Variants in BCL11B observed in about 807,000 individuals in gnomAD.
BCL11B encodes the protein B-cell lymphoma/leukemia 11B.
In BCL11B, 8 loss-of-function variants were observed where a neutral mutation model predicts 49.9. The observed-to-expected ratio is 0.16, with a 90% CI of 0.09 to 0.29. BCL11B has a LOEUF of 0.29. Among genes scored for constraint, BCL11B ranks in the 10% least tolerant of loss-of-function variants. BCL11B has a pLI of 1.00. For synonymous variants in BCL11B, 739 were observed against 637.4 expected (o/e 1.16, Z -2.40); for missense variants, 1,006 against 1,351.0 (o/e 0.74, Z 4.00).
rs1886420242 is a variant in BCL11B, at chr14:99,174,792, T to G, written c.2044A>C (p.Asn682His). ...KPAPLPSPGLNSAAKRIKVEK... is the reference protein window; with the variant it reads ...KPAPLPSPGLHSAAKRIKVEK... ...ACCTTGATGCGCTTGGCGGCGCTGT[T>G]GAGCCCGGGGCTGGGCAGCGGCGCG... is the stretch of plus-strand genomic sequence containing the variant. The change falls in exon 4 of 4, where the codon AAC (asparagine) becomes CAC (histidine). Residue 682 changes from asparagine to histidine, a missense_variant. By Grantham distance (68) the Asn-to-His change is moderately conservative. Coordinates refer to ENST00000357195, the MANE Select transcript of BCL11B (RefSeq NM_138576.4). 2.1e-6 allele frequency: 3 copies of G among 1,450,834 alleles called. No homozygotes were observed. Among genetic ancestry groups the G allele is most frequent in the East Asian group, 2.8e-5 (1 of 36,082 alleles). The allele number at this position is 1,450,834 out of a possible 1,614,324, so 89.9% of individuals were successfully genotyped here. A position where few individuals can be genotyped will look rare whatever the true frequency, so the allele number is the denominator to read the frequency against.
chr14:99,194,048 G>A lies in BCL11B; in HGVS notation c.641-17853C>T, dbSNP rs1224939110. The stretch of plus-strand genomic sequence containing the variant: ...TCAATGGTTTCTGCCAGACAATATG[G>A]GCCCAAAGCAAATGGCAAATTCAGT... On this transcript the variant is annotated intron_variant, in intron 3 of 3. Transcript: ENST00000357195. The surrounding 1 kb of genome is among the most constrained non-coding windows in gnomAD (Gnocchi z 4.6). Among the ~76,000 whole-genome samples, 2 of 152,120 alleles carry A rather than the reference G, an allele frequency of 1.3e-5. No homozygotes were observed. Among genetic ancestry groups the A allele is most frequent in the Admixed American group, 6.5e-5 (1 of 15,274 alleles).
In BCL11B at chr14:99,246,356, A is replaced by G. The variant is rs1888837183; in HGVS notation, c.427+11115T>C. On this transcript the variant is annotated intron_variant, in intron 2 of 3. Transcript: ENST00000357195. ...CCTCCCGCCCCACCAAGGCACAATCAACGTGCGCAGCGGGCGCGGGTCAAA... is the reference window on the plus strand; with the variant it reads ...CCTCCCGCCCCACCAAGGCACAATCGACGTGCGCAGCGGGCGCGGGTCAAA... 2.6e-5 allele frequency among the ~76,000 whole-genome samples: 4 copies of G among 152,310 alleles called. No homozygotes were observed. The South Asian group carries it at 8.3e-4, about 32-fold the overall frequency.
chr14:99,240,769 C>T (rs2139914210), intron 2 of BCL11B, among the ~76,000 whole-genome samples: 1 of 152,330 alleles, frequency 6.6e-6, no homozygotes, highest in East Asian at 1.9e-4. Context: ...AAAATTAACA[C>T]TTCGCGGGAC....
At position 99,212,179 on chromosome 14, in the gene BCL11B, G is replaced by A. The variant is rs74886158; in HGVS notation, c.640+19166C>T. On this transcript the variant is annotated intron_variant, in intron 3 of 3. Transcript: ENST00000357195. ...TCACCTGAGCACTGGGGGGGCTAGA[G>A]CAACTTGCTGAATAAAGAAGCAAAA... 5.0e-3 allele frequency among the ~76,000 whole-genome samples: 758 copies of A among 152,254 alleles called. 8 individuals are homozygous for A. Among genetic ancestry groups the A allele is most frequent in the African/African-American group, 0.018 (740 of 41,540 alleles).
In BCL11B at chr14:99,231,456, G is replaced by A. The variant is rs558453694; in HGVS notation, c.529C>T (p.Leu177Phe). 1.0e-5 allele frequency: 16 copies of A among 1,598,426 alleles called. No homozygotes were observed. In the South Asian group the frequency reaches 1.4e-4, roughly 14 times the overall value. ...CACGGCAGGGGGAGGCAGGGCGGGA[G>A]AGCGCCCAGGGCACGCAGAGGTGAA... ...ITSPLRALGA[L>F]PPCLPLPCCS... The change falls in exon 3 of 4, where the codon CTC becomes TTC. Residue 177 changes from leucine to phenylalanine, a missense_variant. Physicochemically the swap from Leu to Phe is conservative, Grantham distance 22. Coordinates refer to ENST00000357195, the MANE Select transcript of BCL11B (RefSeq NM_138576.4). The surrounding 1 kb of genome is among the most constrained non-coding windows in gnomAD (Gnocchi z 8.1).
chr14:99,191,063 T>C (rs1349975239), intron 3 of BCL11B, among the ~76,000 whole-genome samples: 2 of 152,220 alleles, frequency 1.3e-5, no homozygotes, highest in Non-Finnish European at 1.5e-5. Flanking sequence ...TCAAAATAGA[T>C]ACTAATATTC....
In BCL11B at chr14:99,205,350, C is replaced by A. The variant is rs2793320; in HGVS notation, c.640+25995G>T. ...CTGAGACGGCCCAGGCCAGCAGGGC[C>A]AGTGGAGGATTCGCATTCACTCTGG... On this transcript the variant is annotated intron_variant, in intron 3 of 3. Coordinates refer to ENST00000357195, the MANE Select transcript of BCL11B (RefSeq NM_138576.4). The surrounding 1 kb of genome is among the most constrained non-coding windows in gnomAD (Gnocchi z 5.0). Among the ~76,000 whole-genome samples, 17,367 of 152,154 alleles carry A rather than the reference C, an allele frequency of 0.11. 1,808 individuals are homozygous for A. Among genetic ancestry groups the A allele is most frequent in the African/African-American group, 0.28 (11,580 of 41,454 alleles).
chr14:99,203,694 C>T (rs1012852674), intron 3 of BCL11B, among the ~76,000 whole-genome samples: 1 of 152,236 alleles, frequency 6.6e-6, no homozygotes, highest in East Asian at 1.9e-4. Flanking sequence ...CTGAAAACTG[C>T]ATCTCCTGGG....
chr14:99,266,098 A>T (rs1414726490), intron 1 of BCL11B, among the ~76,000 whole-genome samples: 1 of 152,236 alleles, frequency 6.6e-6, no homozygotes, highest in African/African-American at 2.4e-5. Context: ...TAGCAATCAC[A>T]TACTCTTTCC....
chr14:99,249,589 G>A (rs570533683), intron 2 of BCL11B, among the ~76,000 whole-genome samples: 1 of 152,190 alleles, frequency 6.6e-6, no homozygotes, highest in African/African-American at 2.4e-5. Context: ...GAGGTGGATG[G>A]AATGTAGGCA....
At chr14:99,265,523 T>C (rs1450541690) in intron 1 of BCL11B, among the ~76,000 whole-genome samples, 2 of 152,164 alleles carry the variant, frequency 1.3e-5, no homozygotes, top group African/African-American at 2.4e-5. Flanking sequence ...TGTGTTTAGT[T>C]ACAGCTTGTG....
Position 99,205,475 on chromosome 14 carries a change from C to T in BCL11B, c.640+25870G>A, listed in dbSNP as rs992654471. Among the ~76,000 whole-genome samples, 4 of 152,158 alleles carry T rather than the reference C, an allele frequency of 2.6e-5. No individual in the cohort carries two copies. Among genetic ancestry groups the T allele is most frequent in the Non-Finnish European group, 4.4e-5 (3 of 68,034 alleles). On this transcript the variant is annotated intron_variant, in intron 3 of 3. Coordinates refer to ENST00000357195, the MANE Select transcript of BCL11B (RefSeq NM_138576.4). The surrounding 1 kb of genome is among the most constrained non-coding windows in gnomAD (Gnocchi z 5.0). ...TGGTTAAATGCGCCCAAGGACCAGGCGCTCGCTACACCAGCATGCCAGGAA... is the reference window on the plus strand; with the variant it reads ...TGGTTAAATGCGCCCAAGGACCAGGTGCTCGCTACACCAGCATGCCAGGAA...
chr14:99,188,369 C>A (rs910533784), intron 3 of BCL11B, among the ~76,000 whole-genome samples: 24 of 152,234 alleles, frequency 1.6e-4, no homozygotes, highest in Non-Finnish European at 2.2e-4. Context: ...AATTTCCCCC[C>A]AGTGGGGTTC....
chr14:99,258,566 C>T (rs1889243366), intron 1 of BCL11B, among the ~76,000 whole-genome samples: 1 of 152,174 alleles, frequency 6.6e-6, no homozygotes, highest in Non-Finnish European at 1.5e-5. Context: ...GCTCAGAAAG[C>T]AACAAGTGAG....
In BCL11B at chr14:99,224,858, T is replaced by C. The variant is rs537535529; in HGVS notation, c.640+6487A>G. 1.9e-3 allele frequency among the ~76,000 whole-genome samples: 287 copies of C among 152,290 alleles called. 2 individuals are homozygous for C. Among genetic ancestry groups the C allele is most frequent in the Admixed American group, 5.8e-3 (88 of 15,296 alleles). On this transcript the variant is annotated intron_variant, in intron 3 of 3. Transcript: ENST00000357195. ...GCCCCATCTCGAGAGCTTCCCACAA[T>C]GCCTGCAGTCTAACACGGGTCCACA...
intron 2 of BCL11B, among the ~76,000 whole-genome samples, chr14:99,243,885 C>T (rs1161944571): frequency 1.4e-5 from 2 of 147,358 alleles, no homozygotes; most frequent in East Asian, 4.0e-4. Flanking sequence ...ACAGAACCCC[C>T]CATTTCCAGG....
intron 1 of BCL11B, among the ~76,000 whole-genome samples, chr14:99,259,873 A>G (rs1386367649): frequency 1.3e-5 from 2 of 152,242 alleles, no homozygotes. Context: ...TCTAGGGAAG[A>G]CTGGATTCCT....
rs914373336 is a variant in BCL11B, at chr14:99,271,773, A to G, written c.-555T>C. On this transcript the variant is annotated 5_prime_UTR_variant, in exon 1 of 4. Transcript: ENST00000357195. ...TAAAAAAATAAAAGAAGAAAAAGCAAAGGAAAAAAAAAAGCAAAGAAAACT... is the reference window on the plus strand; with the variant it reads ...TAAAAAAATAAAAGAAGAAAAAGCAGAGGAAAAAAAAAAGCAAAGAAAACT... Among the ~76,000 whole-genome samples the G allele has an allele frequency of 6.6e-6, 1 of 152,094 alleles. No homozygotes were observed. The highest frequency in any genetic ancestry group is 2.4e-5 in the African/African-American group (1 of 41,406).
At position 99,249,200 on chromosome 14, in the gene BCL11B, A is replaced by G. The variant is rs1043180712; in HGVS notation, c.427+8271T>C. On this transcript the variant is annotated intron_variant, in intron 2 of 3. Coordinates refer to ENST00000357195, the MANE Select transcript of BCL11B (RefSeq NM_138576.4). ...CCTGCACCAGCCACAGTTCAAGAAC[A>G]CAGGATCCCACGAGGCCTGGGCTCC... is the stretch of plus-strand genomic sequence containing the variant. Among the ~76,000 whole-genome samples the G allele has an allele frequency of 2.0e-5, 3 of 152,182 alleles. 1 individual carries two copies. Among genetic ancestry groups the G allele is most frequent in the Non-Finnish European group, 4.4e-5 (3 of 68,032 alleles).
Sources: allele counts gnomAD v4.1 joint callset (sites outside exome capture counted in the v4.1 genomes callset), GRCh38; gene constraint gnomAD v4.1.1; non-coding constraint Gnocchi (gnomAD v3.1); transcripts MANE v1.5; gene names NCBI Gene and HGNC (gene_info 2026-07-23, HGNC 2026-07-21).